Variants in ABI2 observed in about 807,000 individuals in gnomAD.
ABI2 encodes abl interactor 2, also known as abelson interactor 2.
A neutral mutation model predicts 59.2 loss-of-function variants in ABI2; 25 were observed. The ratio of observed to expected loss-of-function variants is 0.42; its 90% CI spans 0.31 to 0.59. The LOEUF (loss-of-function observed/expected upper bound fraction) is 0.59. Among genes scored for constraint, ABI2 ranks in the 20% least tolerant of loss-of-function variants. ABI2 has a pLI of 0.14. For missense variants in ABI2, 545 were observed against 681.8 expected (o/e 0.80, Z 2.23); for synonymous variants, 213 against 235.5 (o/e 0.90, Z 0.87).
Position 203,330,869 on chromosome 2 carries a change from A to G in ABI2, c.117+2238A>G, listed in dbSNP as rs138549982. Among the ~76,000 whole-genome samples, 752 of 152,318 alleles carry G rather than the reference A, an allele frequency of 4.9e-3. 10 individuals carry two copies. The highest frequency in any genetic ancestry group is 0.017 in the African/African-American group (714 of 41,552). ...AAAGGATAAGGATTATTAAAGCTGA[A>G]AGGTTAAAGGCATCAGCAGTTTTCT... is the stretch of plus-strand genomic sequence containing the variant. On this transcript the variant is annotated intron_variant, in intron 1 of 11. Coordinates refer to ENST00000261018, the MANE Select transcript of ABI2 (RefSeq NM_001375670.1).
At chr2:203,352,774 A>C (rs1362528237) in intron 1 of ABI2, among the ~76,000 whole-genome samples, 1 of 152,228 alleles carries the variant, frequency 6.6e-6, no homozygotes, top group Non-Finnish European at 1.5e-5. Flanking sequence ...ACTGTACAGT[A>C]ATGTCCTAGG....
At chr2:203,416,510 G>A (rs906227755) in intron 10 of ABI2, among the ~76,000 whole-genome samples, 1 of 152,118 alleles carries the variant, frequency 6.6e-6, no homozygotes, top group African/African-American at 2.4e-5. Flanking sequence ...TGCCCAGGCT[G>A]GTCTTGAACT....
At chr2:203,425,890 T>C (rs1056362142) in intron 11 of ABI2, among the ~76,000 whole-genome samples, 1 of 151,686 alleles carries the variant, frequency 6.6e-6, no homozygotes, top group Non-Finnish European at 1.5e-5. Context: ...TGCGTGGTGG[T>C]GGGCGCCTGT....
At chr2:203,367,633 C>T (rs955574192) in intron 2 of ABI2, among the ~76,000 whole-genome samples, 4 of 151,910 alleles carry the variant, frequency 2.6e-5, no homozygotes, top group African/African-American at 4.8e-5. Flanking sequence ...AAAAATAAAC[C>T]ATTTTACCAC....
chr2:203,356,168 A>G (rs1326968265), intron 1 of ABI2, among the ~76,000 whole-genome samples: 4 of 151,930 alleles, frequency 2.6e-5, no homozygotes, highest in African/African-American at 9.7e-5. Context: ...GTGGAGACAT[A>G]CTTTTCAGGT....
intron 4 of ABI2, among the ~76,000 whole-genome samples, chr2:203,383,842 C>G (rs914448505): frequency 6.6e-6 from 1 of 152,024 alleles, no homozygotes; most frequent in East Asian, 1.9e-4. Context: ...TATTTAAGAC[C>G]TAGTCGTTTT....
At chr2:203,357,360 A>G (rs912876092) in intron 1 of ABI2, among the ~76,000 whole-genome samples, 5 of 152,202 alleles carry the variant, frequency 3.3e-5, no homozygotes, top group Admixed American at 2.0e-4. Flanking sequence ...TATCCATTCT[A>G]ATATCCACAG....
chr2:203,410,403 A>G (rs775519820), intron 9 of ABI2, among the ~76,000 whole-genome samples: 7 of 152,246 alleles, frequency 4.6e-5, no homozygotes, highest in African/African-American at 7.2e-5. Context: ...ACTGTAGAGT[A>G]ATCTTTTTTC....
intron 11 of ABI2, among the ~76,000 whole-genome samples, chr2:203,419,842 G>A (rs918425952): frequency 2.0e-5 from 3 of 152,054 alleles, no homozygotes; most frequent in African/African-American, 7.2e-5. Context: ...TACAAAATTA[G>A]CTGGGCATGG....
chr2:203,384,440 GGTACTACATGT>G (rs2096367113), intron 4 of ABI2, among the ~76,000 whole-genome samples: 1 of 151,584 alleles, frequency 6.6e-6, no homozygotes, highest in Non-Finnish European at 1.5e-5. Flanking sequence ...CTGAGTAGTT[GGTACTACATGT>G]GTGCACCACC....
At position 203,330,392 on chromosome 2, in the gene ABI2, C is replaced by CA. The variant is rs35505933; in HGVS notation, c.117+1780dup. 9.2e-4 allele frequency among the ~76,000 whole-genome samples: 107 copies of CA among 115,798 alleles called. 2 individuals are homozygous for CA. The South Asian group carries it at 0.015, about 16-fold the overall frequency. The allele number at this position is 115,798 out of a possible 152,430, so 76.0% of individuals were successfully genotyped here. A position where few individuals can be genotyped will look rare whatever the true frequency, so the allele number is the denominator to read the frequency against. On this transcript the variant is annotated intron_variant, in intron 1 of 11. Transcript: ENST00000261018. The stretch of plus-strand genomic sequence containing the variant: ...GGGCGATAAGAGTGAGACTACATAT[C>CA]AAAAAAAAAAAAAAAAAAAGATTCA...
At chr2:203,423,365 G>A (rs1166618886) in intron 11 of ABI2, among the ~76,000 whole-genome samples, 1 of 152,156 alleles carries the variant, frequency 6.6e-6, no homozygotes, top group Non-Finnish European at 1.5e-5. Flanking sequence ...AGTGTAGAGA[G>A]TTTTATGTTT....
chr2:203,427,344 T>C lies in ABI2; in HGVS notation c.1621T>C (p.Ser541Pro). 6.2e-7 allele frequency: 1 copy of C among 1,613,770 alleles called. No homozygotes were observed. The change falls in exon 12 of 12, where the codon TCT becomes CCT. Residue 541 changes from serine to proline, a missense_variant. This residue lies in a region of ABI2 where 44 missense variants were observed against 106.4 expected (regional missense o/e 0.41). Transcript: ENST00000261018. The stretch of plus-strand genomic sequence containing the variant: ...TTACGTTGAGTCTATCATGCATTAT[T>C]CTGAGTAAAGCTCAGCAGGGCTGTG... ...GNYVESIMHYSE is the reference protein window; with the variant it reads ...GNYVESIMHYPE
intron 1 of ABI2, among the ~76,000 whole-genome samples, chr2:203,348,661 G>A (rs1205774144): frequency 6.6e-6 from 1 of 151,704 alleles, no homozygotes; most frequent in Non-Finnish European, 1.5e-5. Flanking sequence ...TTTTTAATAG[G>A]CTTTACTTTT....
At chr2:203,389,949 A>G (rs1381876871) in intron 4 of ABI2, among the ~76,000 whole-genome samples, 1 of 152,250 alleles carries the variant, frequency 6.6e-6, no homozygotes, top group African/African-American at 2.4e-5. Flanking sequence ...GTTACGGTCC[A>G]GCTCTGACTT....
intron 2 of ABI2, among the ~76,000 whole-genome samples, chr2:203,372,837 G>A (rs1193110924): frequency 9.9e-5 from 15 of 152,014 alleles, no homozygotes; most frequent in African/African-American, 2.4e-4. Flanking sequence ...AGACGGGGTC[G>A]CGGCTGGGCG....
intron 8 of ABI2, among the ~76,000 whole-genome samples, chr2:203,400,952 C>G (rs2097193689): frequency 6.6e-6 from 1 of 152,184 alleles, no homozygotes; most frequent in Non-Finnish European, 1.5e-5. Context: ...TTCAACAAAT[C>G]AAGCATTCAT....
intron 1 of ABI2, among the ~76,000 whole-genome samples, chr2:203,337,096 A>G (rs2076812500): frequency 2.0e-5 from 3 of 152,238 alleles, no homozygotes; most frequent in East Asian, 3.8e-4. Context: ...AGTGGTGCCC[A>G]GTGTCACTAG....
At chr2:203,423,766 T>C (rs1034913460) in intron 11 of ABI2, among the ~76,000 whole-genome samples, 7 of 152,200 alleles carry the variant, frequency 4.6e-5, no homozygotes, top group African/African-American at 1.7e-4. Flanking sequence ...ATTCTTTGCT[T>C]ATCTTTAACT....
Sources: gnomAD v4.1 joint callset for allele counts (sites outside exome capture counted in the v4.1 genomes callset) on GRCh38, gnomAD v4.1.1 for gene constraint, gnomAD v4.1.1 regional missense constraint, MANE v1.5 for transcripts, NCBI Gene and HGNC (gene_info 2026-07-23, HGNC 2026-07-21) for gene names.